CLNK: variants seen among roughly 807,000 people sequenced by gnomAD.
CLNK encodes cytokine-dependent hematopoietic cell linker.
In CLNK, 74 loss-of-function variants were observed where a neutral mutation model predicts 68.6. That is an observed-to-expected ratio of 1.08 (90% CI 0.89 to 1.31). CLNK has a LOEUF of 1.31. Ranked by LOEUF, CLNK falls within the 50% of genes most tolerant of loss-of-function variation. The pLI is 0.00. For synonymous variants in CLNK, 198 were observed against 172.2 expected, an observed-to-expected ratio of 1.15 and a Z score of -1.17; for missense variants, 553 against 515.3, an observed-to-expected ratio of 1.07 and a Z score of -0.71.
At chr4:10,691,638 G>A in the CLNK span, among the ~76,000 whole-genome samples, 17,431 of 151,324 alleles carry the variant, frequency 0.12, 1,194 homozygotes, top group Middle Eastern at 0.22. Context: ...GTTATTTGCC[G>A]GATACTTTTC....
chr4:10,549,569 G>A (rs1399464060), intron 8 of CLNK, among the ~76,000 whole-genome samples: 2 of 152,202 alleles, frequency 1.3e-5, no homozygotes, highest in African/African-American at 4.8e-5. Flanking sequence ...ATCTGGAGAA[G>A]TAAGGAGTGC....
At chr4:10,596,432 G>A (rs1046725492) in intron 3 of CLNK, among the ~76,000 whole-genome samples, 8 of 152,132 alleles carry the variant, frequency 5.3e-5, no homozygotes, top group African/African-American at 1.9e-4. Flanking sequence ...CTGATTCAAT[G>A]GACTCATTCT....
At chr4:10,606,446 A>G (rs950681616) in intron 2 of CLNK, among the ~76,000 whole-genome samples, 25 of 151,736 alleles carry the variant, frequency 1.6e-4, no homozygotes, top group African/African-American at 5.8e-4. Flanking sequence ...TTTTTTTAAT[A>G]TAAGTAAAAG....
chr4:10,626,891 T>C (rs1722695631), intron 2 of CLNK, among the ~76,000 whole-genome samples: 1 of 152,214 alleles, frequency 6.6e-6, no homozygotes, highest in Non-Finnish European at 1.5e-5. Flanking sequence ...TTGAGTAGGC[T>C]GCTTAATGTC....
At chr4:10,662,443 A>G (rs1724231484) in intron 2 of CLNK, among the ~76,000 whole-genome samples, 1 of 152,218 alleles carries the variant, frequency 6.6e-6, no homozygotes, top group Admixed American at 6.5e-5. Context: ...CTGTAGTGAA[A>G]CATGTGATGG....
intron 2 of CLNK, among the ~76,000 whole-genome samples, chr4:10,657,963 G>A (rs1724045582): frequency 6.6e-6 from 1 of 152,112 alleles, no homozygotes. Flanking sequence ...ATTAAATCTG[G>A]GTAGAAGTTC....
chr4:10,550,256 G>A (rs1305323402), intron 8 of CLNK, among the ~76,000 whole-genome samples: 1 of 152,202 alleles, frequency 6.6e-6, no homozygotes, highest in Non-Finnish European at 1.5e-5. Context: ...CACTTTGGGA[G>A]GCCGAGGCGG....
chr4:10,596,243 TCGAACTCC>T (rs1721380208), intron 3 of CLNK, among the ~76,000 whole-genome samples: 3 of 152,200 alleles, frequency 2.0e-5, no homozygotes, highest in Non-Finnish European at 4.4e-5. Context: ...CAGGGTGGTC[TCGAACTCC>T]TGACCTCAGG....
At chr4:10,576,163 C>T (rs1242225304) in intron 4 of CLNK, among the ~76,000 whole-genome samples, 2 of 152,238 alleles carry the variant, frequency 1.3e-5, no homozygotes, top group East Asian at 1.9e-4. Flanking sequence ...TTCCTCCTCC[C>T]TCACTGAGTG....
At chr4:10,512,979 C>G (rs1481920704) in intron 16 of CLNK, among the ~76,000 whole-genome samples, 1 of 152,184 alleles carries the variant, frequency 6.6e-6, no homozygotes, top group African/African-American at 2.4e-5. Flanking sequence ...CATCTCCCCA[C>G]TCTTTACATC....
At chr4:10,636,282 G>A (rs28437895) in intron 2 of CLNK, among the ~76,000 whole-genome samples, 48,398 of 151,908 alleles carry the variant, frequency 0.32, 8,707 homozygotes, top group African/African-American at 0.49. Flanking sequence ...TATAAGATGA[G>A]AACAGACACA....
At chr4:10,661,032 G>T (rs1332604484) in intron 2 of CLNK, among the ~76,000 whole-genome samples, 2 of 152,164 alleles carry the variant, frequency 1.3e-5, no homozygotes, top group Non-Finnish European at 2.9e-5. Flanking sequence ...CTACACAGCT[G>T]GGTGTAGGAC....
intron 12 of CLNK, among the ~76,000 whole-genome samples, chr4:10,530,710 C>T (rs1209152286): frequency 6.6e-6 from 1 of 152,116 alleles, no homozygotes; most frequent in South Asian, 2.1e-4. Context: ...TTGCGGTCAT[C>T]GTCATCGTGA....
At chr4:10,519,395 C>G (rs1178001109) in intron 15 of CLNK, among the ~76,000 whole-genome samples, 1 of 152,196 alleles carries the variant, frequency 6.6e-6, no homozygotes, top group Non-Finnish European at 1.5e-5. Flanking sequence ...TGCAACAAAA[C>G]CTCCATAAGT....
At chr4:10,537,730 T>TCTTTCTTTCTTTCTTTCTTTCTTC (rs1385874585) in intron 11 of CLNK, among the ~76,000 whole-genome samples, 18 of 132,924 alleles carry the variant, frequency 1.4e-4, no homozygotes, top group Non-Finnish European at 2.2e-4. Context: ...TTTCTTTCTT[T>TCTTTCTTTCTTTCTTTCTTTCTTC]CTTTCTTCCT....
intron 8 of CLNK, among the ~76,000 whole-genome samples, chr4:10,552,010 G>T (rs1293557642): frequency 6.6e-6 from 1 of 151,982 alleles, no homozygotes; most frequent in Non-Finnish European, 1.5e-5. Flanking sequence ...AGAACGCTGG[G>T]CTAATTTTTT....
intron 2 of CLNK, among the ~76,000 whole-genome samples, chr4:10,666,127 C>G (rs1577207113): frequency 6.6e-6 from 1 of 152,172 alleles, no homozygotes; most frequent in Non-Finnish European, 1.5e-5. Flanking sequence ...CCTCTGGGAG[C>G]TGAACAAGAC....
intron 4 of CLNK, among the ~76,000 whole-genome samples, chr4:10,577,721 C>A (rs1283884029): frequency 2.6e-5 from 4 of 151,768 alleles, no homozygotes; most frequent in Non-Finnish European, 2.9e-5. Flanking sequence ...TCTCTGAGGA[C>A]TTTCAGGAGC....
chr4:10,593,913 G>T (rs1282398221), intron 3 of CLNK, among the ~76,000 whole-genome samples: 1 of 152,184 alleles, frequency 6.6e-6, no homozygotes, highest in Non-Finnish European at 1.5e-5. Flanking sequence ...ATGGAAAGGA[G>T]ACTAGTGCTT....
Sources: gnomAD v4.1 joint callset for allele counts (sites outside exome capture counted in the v4.1 genomes callset) on GRCh38, gnomAD v4.1.1 for gene constraint, MANE v1.5 for transcripts, NCBI Gene and HGNC (gene_info 2026-07-23, HGNC 2026-07-21) for gene names.